Variants in NRG3 observed in about 807,000 individuals in gnomAD.
NRG3 encodes the protein neuregulin 3.
NRG3 carries 31 observed loss-of-function variants against 66.9 expected under a neutral mutation model. The observed-to-expected ratio is 0.46, with a 90% CI of 0.35 to 0.63. The LOEUF (loss-of-function observed/expected upper bound fraction) is 0.63, where lower values mean the gene tolerates loss of function less well. Among genes scored for constraint, NRG3 ranks in the 20% least tolerant of loss-of-function variants. NRG3 has a pLI of 0.00. For missense variants in NRG3, 910 were observed against 878.9 expected (o/e 1.04, Z -0.45); for synonymous variants, 393 against 359.4 (o/e 1.09, Z -1.06).
At chr10:82,213,379 AC>A (rs1308278360) in intron 1 of NRG3, among the ~76,000 whole-genome samples, 1 of 152,154 alleles carries the variant, frequency 6.6e-6, no homozygotes, top group Admixed American at 6.5e-5. Flanking sequence ...CACAGTCAAA[AC>A]TTTGTTTCAT....
At chr10:82,949,347 T>A (rs1412117256) in intron 4 of NRG3, among the ~76,000 whole-genome samples, 8 of 152,038 alleles carry the variant, frequency 5.3e-5, no homozygotes, top group Non-Finnish European at 1.2e-4. Context: ...TTTGGTTAGG[T>A]CTTCGTCTTT....
intron 1 of NRG3, among the ~76,000 whole-genome samples, chr10:82,126,794 T>G (rs2068474019): frequency 6.6e-6 from 1 of 152,004 alleles, no homozygotes; most frequent in South Asian, 2.1e-4. Context: ...CCTGCGTAAG[T>G]TCTTTGCAAA....
intron 1 of NRG3, among the ~76,000 whole-genome samples, chr10:81,939,702 T>C (rs1461206600): frequency 1.9e-5 from 2 of 102,930 alleles, no homozygotes; most frequent in African/African-American, 1.5e-4. Flanking sequence ...GTTGATCTTA[T>C]TAAAAAAAAA....
chr10:82,734,042 A>G (rs542019238), intron 2 of NRG3, among the ~76,000 whole-genome samples: 1 of 152,334 alleles, frequency 6.6e-6, no homozygotes, highest in South Asian at 2.1e-4. Context: ...AGGGTCCTCC[A>G]CATCCAGCCT....
intron 1 of NRG3, among the ~76,000 whole-genome samples, chr10:82,234,735 G>A (rs1465752409): frequency 1.3e-5 from 2 of 152,184 alleles, no homozygotes; most frequent in African/African-American, 4.8e-5. Context: ...GCTTCTATTA[G>A]TGGCTTCAGC....
intron 1 of NRG3, among the ~76,000 whole-genome samples, chr10:81,999,493 ATGTAT>A (rs1307036682): frequency 6.6e-6 from 1 of 152,176 alleles, no homozygotes; most frequent in Non-Finnish European, 1.5e-5. Context: ...TACAGTGAAA[ATGTAT>A]TGTTCAAGAA....
intron 1 of NRG3, among the ~76,000 whole-genome samples, chr10:81,885,864 T>C (rs1366794148): frequency 6.6e-6 from 1 of 152,132 alleles, no homozygotes; most frequent in Non-Finnish European, 1.5e-5. Context: ...AAAGCTTTTT[T>C]CAGCATGGTG....
chr10:82,035,445 T>C (rs564493378), intron 1 of NRG3, among the ~76,000 whole-genome samples: 41 of 152,282 alleles, frequency 2.7e-4, no homozygotes, highest in Non-Finnish European at 4.0e-4. Context: ...TTAATGAAAG[T>C]AGAAAATTTG....
At chr10:81,912,376 C>T (rs1479090995) in intron 1 of NRG3, among the ~76,000 whole-genome samples, 1 of 152,054 alleles carries the variant, frequency 6.6e-6, no homozygotes, top group Non-Finnish European at 1.5e-5. Flanking sequence ...TGTGTAACAC[C>T]AAACCTGGTA....
At chr10:82,392,042 A>G (rs2086410626) in intron 2 of NRG3, among the ~76,000 whole-genome samples, 1 of 151,078 alleles carries the variant, frequency 6.6e-6, no homozygotes, top group South Asian at 2.1e-4. Flanking sequence ...TAGGAAAAGC[A>G]TTAGAATTGC....
At chr10:82,487,356 T>C (rs1842768667) in intron 2 of NRG3, among the ~76,000 whole-genome samples, 1 of 152,038 alleles carries the variant, frequency 6.6e-6, no homozygotes, top group Admixed American at 6.6e-5. Context: ...ATGTCTACAT[T>C]GGGAGGAATG....
intron 2 of NRG3, among the ~76,000 whole-genome samples, chr10:82,510,041 T>C (rs984458170): frequency 6.6e-6 from 1 of 152,204 alleles, no homozygotes; most frequent in African/African-American, 2.4e-5. Flanking sequence ...ATCCCCTTTG[T>C]GATCTAGTGG....
chr10:82,667,259 G>T (rs2052868515), intron 2 of NRG3, among the ~76,000 whole-genome samples: 1 of 152,114 alleles, frequency 6.6e-6, no homozygotes, highest in Non-Finnish European at 1.5e-5. Context: ...ATTTTTGTCG[G>T]TTTACTGAAA....
intron 4 of NRG3, among the ~76,000 whole-genome samples, chr10:82,949,328 T>C (rs534385139): frequency 5.9e-5 from 9 of 152,244 alleles, no homozygotes; most frequent in African/African-American, 2.2e-4. Context: ...GGGCTATTTA[T>C]CTGTAATTTT....
intron 1 of NRG3, among the ~76,000 whole-genome samples, chr10:81,972,624 T>C (rs1331361659): frequency 2.6e-5 from 4 of 152,108 alleles, no homozygotes; most frequent in Non-Finnish European, 5.9e-5. Context: ...ATAAAACTAA[T>C]AGAAACTATC....
intron 3 of NRG3, among the ~76,000 whole-genome samples, chr10:82,770,036 T>C (rs924499444): frequency 2.0e-5 from 3 of 152,112 alleles, no homozygotes; most frequent in Non-Finnish European, 4.4e-5. Context: ...GTGTGGGATA[T>C]AAGTGTATAT....
At position 82,730,257 on chromosome 10, in the gene NRG3, T is replaced by C. The variant is rs1347974748; in HGVS notation, c.954-8320T>C. Among the ~76,000 whole-genome samples, 3 of 151,860 alleles carry C rather than the reference T, an allele frequency of 2.0e-5. No homozygotes were observed. The East Asian group carries it at 5.8e-4, about 29-fold the overall frequency. On this transcript the variant is annotated intron_variant, in intron 2 of 8. Transcript: ENST00000372141. ...CCACCACCGTGCCTGGCTAATTTTT[T>C]GTATTTTTAGTAGAGACAGGGTTTA...
intron 3 of NRG3, among the ~76,000 whole-genome samples, chr10:82,798,999 G>A (rs995807346): frequency 6.6e-6 from 1 of 152,122 alleles, no homozygotes; most frequent in Non-Finnish European, 1.5e-5. Flanking sequence ...ATAATTGGAT[G>A]TCAGTCATTC....
chr10:82,766,219 A>C (rs1565291935), intron 3 of NRG3, among the ~76,000 whole-genome samples: 1 of 152,190 alleles, frequency 6.6e-6, no homozygotes, highest in Non-Finnish European at 1.5e-5. Context: ...TTTACGTGTG[A>C]ATGTACGAAA....
Sources: gnomAD v4.1 joint callset for allele counts (sites outside exome capture counted in the v4.1 genomes callset) on GRCh38, gnomAD v4.1.1 for gene constraint, MANE v1.5 for transcripts, NCBI Gene and HGNC (gene_info 2026-07-23, HGNC 2026-07-21) for gene names.